The following SDK1 variants were observed in gnomAD, a reference collection of about 807,000 sequenced individuals.
The protein encoded by SDK1 is sidekick cell adhesion molecule 1.
A neutral mutation model predicts 245.5 loss-of-function variants in SDK1; 157 were observed. That is an observed-to-expected ratio of 0.64 (90% CI 0.56 to 0.73). The LOEUF (loss-of-function observed/expected upper bound fraction) is 0.73, where lower values mean the gene tolerates loss of function less well. Among genes scored for constraint, SDK1 ranks in the 30% least tolerant of loss-of-function variants. SDK1 has a pLI of 0.00. For synonymous variants in SDK1, 1,647 were observed against 1,278.5 expected (o/e 1.29, Z -6.15); for missense variants, 3,583 against 3,002.3 (o/e 1.19, Z -4.52).
intron 1 of SDK1, among the ~76,000 whole-genome samples, chr7:3,510,868 T>A (rs1782556091): frequency 6.6e-6 from 1 of 152,240 alleles, no homozygotes. Flanking sequence ...GAGGTGTTTC[T>A]GTCTGCTGGC....
chr7:3,977,505 G>A (rs73296656), intron 13 of SDK1, among the ~76,000 whole-genome samples: 19,069 of 151,144 alleles, frequency 0.13, 4,060 homozygotes, highest in African/African-American at 0.43. Context: ...TGGAGCCTAC[G>A]ACCCTGGGTT....
At chr7:3,442,869 T>C (rs1279930444) in intron 1 of SDK1, among the ~76,000 whole-genome samples, 1 of 152,230 alleles carries the variant, frequency 6.6e-6, no homozygotes, top group African/African-American at 2.4e-5. Context: ...CACTGTGTTC[T>C]GTCTCTTCCA....
intron 1 of SDK1, among the ~76,000 whole-genome samples, chr7:3,487,853 G>A (rs545842631): frequency 3.3e-5 from 5 of 152,018 alleles, no homozygotes; most frequent in African/African-American, 9.6e-5. Context: ...ATTTACAAGC[G>A]GAGGGTGTTG....
At chr7:3,308,829 G>A (rs1779482223) in intron 1 of SDK1, among the ~76,000 whole-genome samples, 1 of 152,004 alleles carries the variant, frequency 6.6e-6, no homozygotes, top group Non-Finnish European at 1.5e-5. Flanking sequence ...GAGGGGGTTG[G>A]AAGCTCTCAA....
At chr7:3,372,778 G>A (rs1418241762) in intron 1 of SDK1, among the ~76,000 whole-genome samples, 1 of 152,178 alleles carries the variant, frequency 6.6e-6, no homozygotes, top group African/African-American at 2.4e-5. Flanking sequence ...GTGTAGGAGA[G>A]CGTGCATTGC....
chr7:3,821,171 C>G (rs1403713016), intron 4 of SDK1, among the ~76,000 whole-genome samples: 2 of 152,190 alleles, frequency 1.3e-5, no homozygotes, highest in African/African-American at 4.8e-5. Context: ...CTCTGGATGT[C>G]TATGTTCCAG....
chr7:3,532,310 G>C (rs1466116873), intron 1 of SDK1, among the ~76,000 whole-genome samples: 2 of 152,158 alleles, frequency 1.3e-5, no homozygotes, highest in African/African-American at 4.8e-5. Context: ...TGAGGGTGTA[G>C]GGAAGAAAGA....
chr7:4,025,178 C>T (rs115167547), intron 17 of SDK1, among the ~76,000 whole-genome samples: 1,885 of 152,280 alleles, frequency 0.012, 40 homozygotes, highest in African/African-American at 0.042. Flanking sequence ...TTTCCCTATC[C>T]ACGAGTGTAT....
At chr7:3,847,938 T>C (rs1356378188) in intron 5 of SDK1, among the ~76,000 whole-genome samples, 1 of 152,176 alleles carries the variant, frequency 6.6e-6, no homozygotes, top group South Asian at 2.1e-4. Flanking sequence ...CCTAATATAA[T>C]GTTCTTTTAT....
chr7:3,754,665 T>G (rs1420875709), intron 4 of SDK1, among the ~76,000 whole-genome samples: 1 of 151,648 alleles, frequency 6.6e-6, no homozygotes, highest in Non-Finnish European at 1.5e-5. Context: ...CATGACGTGG[T>G]TTCTAAGTAA....
chr7:4,034,068 G>A (rs756696999), intron 17 of SDK1, among the ~76,000 whole-genome samples: 1 of 152,204 alleles, frequency 6.6e-6, no homozygotes, highest in Admixed American at 6.5e-5. Context: ...GATAGGATGC[G>A]ATGAAAAGAA....
At position 3,492,773 on chromosome 7, in the gene SDK1, G is replaced by C. The variant is rs189127188; in HGVS notation, c.299-126307G>C. On this transcript the variant is annotated intron_variant, in intron 1 of 44. Transcript: ENST00000404826. ...AAGTCCCACCTCATTGGCAATAATG[G>C]CAAACAGAACGATGCAGCTGTTTAG... Among the ~76,000 whole-genome samples, 5 of 152,276 alleles carry C rather than the reference G, an allele frequency of 3.3e-5. No homozygotes were observed. The East Asian group carries it at 9.7e-4, about 29-fold the overall frequency.
chr7:3,875,567 T>A (rs922650809), intron 5 of SDK1, among the ~76,000 whole-genome samples: 2 of 152,228 alleles, frequency 1.3e-5, no homozygotes, highest in African/African-American at 4.8e-5. Context: ...AGGCGTCCCC[T>A]CTTTATCCCC....
intron 3 of SDK1, 35 bp from the exon 4 acceptor site, chr7:3,641,923 T>A: frequency 1.9e-6 from 3 of 1,591,444 alleles, no homozygotes; most frequent in Non-Finnish European, 2.6e-6. Flanking sequence ...CAAAAATGTT[T>A]TCTAGAACTT....
intron 1 of SDK1, among the ~76,000 whole-genome samples, chr7:3,493,556 G>A (rs912183108): frequency 6.6e-6 from 1 of 152,204 alleles, no homozygotes; most frequent in Non-Finnish European, 1.5e-5. Context: ...ACAGTCAGTA[G>A]TAATCAAGAA....
intron 1 of SDK1, among the ~76,000 whole-genome samples, chr7:3,526,798 G>A (rs902416318): frequency 6.6e-6 from 1 of 152,110 alleles, no homozygotes; most frequent in Non-Finnish European, 1.5e-5. Flanking sequence ...TTTCATTCCT[G>A]ATGCATATAC....
rs1783027846 is a variant in SDK1, at chr7:3,977,377, GA to G, written c.1994+2833del. 4.0e-5 allele frequency among the ~76,000 whole-genome samples: 5 copies of G among 123,514 alleles called. No homozygotes were observed. The South Asian group carries it at 1.7e-3, about 41-fold the overall frequency. 81.0% of individuals were successfully genotyped at this position (123,514 alleles called of 152,430 possible). A position where few individuals can be genotyped will look rare whatever the true frequency, so the allele number is the denominator to read the frequency against. ...GTCCCGGGGCTGAGGCTGCCACACAGACGGTCCTCCAGAGAATCACTGGGGG... is the reference window on the plus strand; with the variant it reads ...GTCCCGGGGCTGAGGCTGCCACACAGCGGTCCTCCAGAGAATCACTGGGGG... On this transcript the variant is annotated intron_variant, in intron 13 of 44. Coordinates refer to ENST00000404826, the MANE Select transcript of SDK1 (RefSeq NM_152744.4).
intron 35 of SDK1, among the ~76,000 whole-genome samples, chr7:4,181,006 G>A (rs1292413259): frequency 2.0e-5 from 3 of 152,280 alleles, no homozygotes; most frequent in African/African-American, 4.8e-5. Context: ...GCAGTTCAGC[G>A]GCATTCAGGA....
intron 17 of SDK1, among the ~76,000 whole-genome samples, chr7:4,028,905 C>G (rs925413350): frequency 2.0e-5 from 3 of 152,186 alleles, no homozygotes; most frequent in Admixed American, 6.5e-5. Flanking sequence ...CTCTGCAACA[C>G]TTGATGGGGA....
Sources: allele counts gnomAD v4.1 joint callset (sites outside exome capture counted in the v4.1 genomes callset), GRCh38; gene constraint gnomAD v4.1.1; transcripts MANE v1.5; gene names NCBI Gene and HGNC (gene_info 2026-07-23, HGNC 2026-07-21).